Variants in CFAP210 observed in about 807,000 individuals in gnomAD.
CFAP210 encodes the protein cilia- and flagella- associated protein 210.
chr2:169,687,122 T>C, the CFAP210 span, among the ~76,000 whole-genome samples: 2 of 152,156 alleles, frequency 1.3e-5, no homozygotes, highest in Non-Finnish European at 2.9e-5. Flanking sequence ...CATGATTCAA[T>C]TACCTCTCCC....
At chr2:169,687,362 T>A in the CFAP210 span, among the ~76,000 whole-genome samples, 1 of 152,212 alleles carries the variant, frequency 6.6e-6, no homozygotes, top group Admixed American at 6.5e-5. Context: ...GGCAAGTCCC[T>A]TCTGCCTATG....
At chr2:169,679,320 G>A in the CFAP210 span, among the ~76,000 whole-genome samples, 1 of 152,164 alleles carries the variant, frequency 6.6e-6, no homozygotes, top group African/African-American at 2.4e-5. Context: ...AGATAATTTT[G>A]TCACCCAGGT....
the CFAP210 span, among the ~76,000 whole-genome samples, chr2:169,678,988 T>C: frequency 2.0e-5 from 3 of 152,052 alleles, no homozygotes; most frequent in African/African-American, 7.2e-5. Context: ...GACAGATAAA[T>C]AGAGCAATAA....
the CFAP210 span, among the ~76,000 whole-genome samples, chr2:169,649,500 G>A: frequency 2.1e-4 from 32 of 152,228 alleles, no homozygotes; most frequent in East Asian, 5.4e-3. Flanking sequence ...GTTCCCATGC[G>A]GCCAGTTTAC....
the CFAP210 span, among the ~76,000 whole-genome samples, chr2:169,671,951 G>T: frequency 1.3e-5 from 2 of 152,158 alleles, no homozygotes; most frequent in Non-Finnish European, 2.9e-5. Flanking sequence ...TTCAAGAAAA[G>T]GGAAAGTAAC....
the CFAP210 span, among the ~76,000 whole-genome samples, chr2:169,678,574 CGGCACTTTG>C: frequency 6.6e-6 from 1 of 152,002 alleles, no homozygotes; most frequent in Non-Finnish European, 1.5e-5. Context: ...CCTGTAATCC[CGGCACTTTG>C]GGAGGCCAAG....
At chr2:169,646,318 A>G in the CFAP210 span, 1 of 652,558 alleles carries the variant, frequency 1.5e-6, no homozygotes, top group South Asian at 2.0e-5. Context: ...TAACAACTAT[A>G]TACTATCATT....
At chr2:169,679,262 G>A in the CFAP210 span, among the ~76,000 whole-genome samples, 6 of 152,232 alleles carry the variant, frequency 3.9e-5, no homozygotes, top group South Asian at 2.1e-4. Flanking sequence ...GGCTACATGC[G>A]CAGGTTTGTT....
chr2:169,645,992 C>T, the CFAP210 span: 13 of 1,613,836 alleles, frequency 8.1e-6, no homozygotes, highest in African/African-American at 1.1e-4. Context: ...TCCACGGCCA[C>T]CTCCAGGTCC....
At chr2:169,651,931 C>T in the CFAP210 span, among the ~76,000 whole-genome samples, 1 of 150,010 alleles carries the variant, frequency 6.7e-6, no homozygotes, top group African/African-American at 2.5e-5. Context: ...AGGCTGGTCT[C>T]AAACTCCTGG....
chr2:169,669,716 A>G, the CFAP210 span, among the ~76,000 whole-genome samples: 2 of 151,624 alleles, frequency 1.3e-5, no homozygotes, highest in African/African-American at 4.9e-5. Context: ...CGGAGCTTGC[A>G]GTGAGACAAG....
the CFAP210 span, chr2:169,674,870 A>G: frequency 6.6e-7 from 1 of 1,510,530 alleles, no homozygotes; most frequent in Non-Finnish European, 8.8e-7. Context: ...GTAGTACATG[A>G]AAGTTTTTCA....
At chr2:169,666,847 A>C in the CFAP210 span, among the ~76,000 whole-genome samples, 1 of 152,158 alleles carries the variant, frequency 6.6e-6, no homozygotes, top group Non-Finnish European at 1.5e-5. Flanking sequence ...TGGTTTTCAC[A>C]GCATCTTCAC....
chr2:169,683,901 C>CTT, the CFAP210 span, among the ~76,000 whole-genome samples: 1 of 152,146 alleles, frequency 6.6e-6, no homozygotes, highest in Non-Finnish European at 1.5e-5. Flanking sequence ...TTGGGAAAGG[C>CTT]TTTTTACTAT....
chr2:169,693,140 A>G, the CFAP210 span, among the ~76,000 whole-genome samples: 1 of 152,208 alleles, frequency 6.6e-6, no homozygotes, highest in South Asian at 2.1e-4. Flanking sequence ...TCATCCCACT[A>G]AATCTTTATA....
the CFAP210 span, chr2:169,658,783 G>A: frequency 2.0e-5 from 6 of 295,204 alleles, no homozygotes; most frequent in African/African-American, 4.5e-5. Context: ...ATTGTGTACC[G>A]GAGAGCATTT....
At chr2:169,665,123 T>G in the CFAP210 span, among the ~76,000 whole-genome samples, 2 of 152,118 alleles carry the variant, frequency 1.3e-5, no homozygotes, top group African/African-American at 4.8e-5. Context: ...ATTAAGCACT[T>G]GTGCCAAAAG....
At chr2:169,685,231 C>T in the CFAP210 span, among the ~76,000 whole-genome samples, 1 of 152,242 alleles carries the variant, frequency 6.6e-6, no homozygotes, top group Non-Finnish European at 1.5e-5. Context: ...CCACTAACAA[C>T]ATACGAAGGT....
the CFAP210 span, among the ~76,000 whole-genome samples, chr2:169,685,781 A>G: frequency 6.9e-6 from 1 of 145,526 alleles, no homozygotes; most frequent in Non-Finnish European, 1.6e-5. Flanking sequence ...TAATATTTGT[A>G]TGTGGTGTGA....
Sources: allele counts gnomAD v4.1 joint callset (sites outside exome capture counted in the v4.1 genomes callset), GRCh38; gene constraint gnomAD v4.1.1; transcripts MANE v1.5; gene names NCBI Gene and HGNC (gene_info 2026-07-23, HGNC 2026-07-21).